The following PCDHGA1 variants were observed in gnomAD, a reference collection of about 807,000 sequenced individuals.
PCDHGA1 encodes protocadherin gamma subfamily A, 1, also known as protocadherin gamma-A1.
PCDHGA1 carries 32 observed loss-of-function variants against 58.0 expected under a neutral mutation model. The ratio of observed to expected loss-of-function variants is 0.55; its 90% CI spans 0.42 to 0.74. PCDHGA1 has a LOEUF of 0.74. Among genes scored for constraint, PCDHGA1 ranks in the 30% least tolerant of loss-of-function variants. The pLI is 0.00. For missense variants in PCDHGA1, 1,205 were observed against 1,182.3 expected, an observed-to-expected ratio of 1.02 and a Z score of -0.28; for synonymous variants, 498 against 501.1, an observed-to-expected ratio of 0.99 and a Z score of 0.08.
At chr5:141,347,353 CTA>C (rs1243645400) in intron 1 of PCDHGA1, among the ~76,000 whole-genome samples, 3 of 152,030 alleles carry the variant, frequency 2.0e-5, no homozygotes, top group South Asian at 4.2e-4. Flanking sequence ...GGGGCAATTG[CTA>C]TGTTTCCCAG....
intron 1 of PCDHGA1, among the ~76,000 whole-genome samples, chr5:141,457,387 T>A (rs530736201): frequency 2.0e-5 from 3 of 152,340 alleles, no homozygotes; most frequent in Non-Finnish European, 2.9e-5. Context: ...AGAACTAGCA[T>A]ATTGATTCAC....
chr5:141,354,912 G>A lies in PCDHGA1; in HGVS notation c.2421+21807G>A, dbSNP rs3806836. On this transcript the variant is annotated intron_variant, in intron 1 of 3. Coordinates refer to ENST00000517417, the MANE Select transcript of PCDHGA1 (RefSeq NM_018912.3). ...TTGGGAGAAATAGGAATAGAAAAGT[G>A]TATAAAAAATAAACTTTTTTTAACC... 0.019 allele frequency: 7,625 copies of A among 408,662 alleles called. 710 individuals are homozygous for A. In the East Asian group the frequency reaches 0.22, roughly 12 times the overall value. The allele number at this position is 408,662 out of a possible 1,614,324, so 25.3% of individuals were successfully genotyped here. A position where few individuals can be genotyped will look rare whatever the true frequency, so the allele number is the denominator to read the frequency against.
intron 1 of PCDHGA1, chr5:141,361,795 G>C (rs750920407): frequency 1.9e-6 from 3 of 1,613,220 alleles, no homozygotes; most frequent in Non-Finnish European, 2.5e-6. Flanking sequence ...GTTAGTGGGC[G>C]ACCTCAATGA....
At chr5:141,374,562 C>T in intron 1 of PCDHGA1, 2 of 1,613,702 alleles carry the variant, frequency 1.2e-6, no homozygotes, top group Non-Finnish European at 1.7e-6. Flanking sequence ...GTCTATGACC[C>T]TGATGTGGGA....
At chr5:141,395,196 G>T (rs1431851304) in intron 1 of PCDHGA1, 1 of 1,613,948 alleles carries the variant, frequency 6.2e-7, no homozygotes, top group Non-Finnish European at 8.5e-7. Context: ...GTTAACATCC[G>T]TAGATTTTCA....
chr5:141,444,551 G>A (rs758187608), intron 1 of PCDHGA1, among the ~76,000 whole-genome samples: 1 of 152,022 alleles, frequency 6.6e-6, no homozygotes, highest in Non-Finnish European at 1.5e-5. Context: ...TGAGCAAAAG[G>A]CACTTATTTG....
intron 1 of PCDHGA1, chr5:141,360,493 G>C: frequency 6.2e-7 from 1 of 1,613,892 alleles, no homozygotes; most frequent in Non-Finnish European, 8.5e-7. Flanking sequence ...TTTCTACATA[G>C]CAGTAATTGT....
At position 141,399,778 on chromosome 5, in the gene PCDHGA1, C is replaced by T. The variant is rs187080333; in HGVS notation, c.2421+66673C>T. 2.5e-6 allele frequency: 4 copies of T among 1,613,250 alleles called. No individual in the cohort carries two copies. The South Asian group carries it at 3.3e-5, about 13-fold the overall frequency. On this transcript the variant is annotated intron_variant, in intron 1 of 3. Transcript: ENST00000517417. ...GAGCCTGCGCGTGTTGGTGGGCGAC[C>T]GAAACGACAACGCACCGCGGGTGCT...
intron 1 of PCDHGA1, among the ~76,000 whole-genome samples, chr5:141,443,829 A>G (rs1387307023): frequency 6.6e-6 from 1 of 152,228 alleles, no homozygotes; most frequent in Non-Finnish European, 1.5e-5. Flanking sequence ...ATAATTAGGT[A>G]AAATGGGTAA....
intron 1 of PCDHGA1, chr5:141,417,735 C>T (rs1408012587): frequency 1.4e-6 from 2 of 1,398,382 alleles, no homozygotes; most frequent in African/African-American, 2.9e-5. Flanking sequence ...CCTTGCCCAG[C>T]ACACCAGATT....
intron 1 of PCDHGA1, chr5:141,408,089 G>C: frequency 7.0e-7 from 1 of 1,424,386 alleles, no homozygotes; most frequent in Non-Finnish European, 9.2e-7. Flanking sequence ...ACAGCGGATT[G>C]CCAGCTCCGA....
At chr5:141,497,203 G>A (rs750138875) in intron 2 of PCDHGA1, among the ~76,000 whole-genome samples, 25 of 91,718 alleles carry the variant, frequency 2.7e-4, no homozygotes, top group Non-Finnish European at 4.9e-4. Flanking sequence ...AACAATGTGA[G>A]TGTAATGGGG....
intron 1 of PCDHGA1, chr5:141,341,101 G>A (rs767039997): frequency 1.2e-6 from 2 of 1,614,116 alleles, no homozygotes; most frequent in African/African-American, 2.7e-5. Flanking sequence ...TCGTCATCGT[G>A]TTGCTGGCGC....
At chr5:141,349,450 G>T (rs967201965) in intron 1 of PCDHGA1, among the ~76,000 whole-genome samples, 8 of 152,084 alleles carry the variant, frequency 5.3e-5, no homozygotes, top group African/African-American at 1.7e-4. Flanking sequence ...CTTCATAAAA[G>T]CATGTATGTG....
At chr5:141,359,694 G>C (rs4912605) in intron 1 of PCDHGA1, among the ~76,000 whole-genome samples, 1 of 151,894 alleles carries the variant, frequency 6.6e-6, no homozygotes, top group Non-Finnish European at 1.5e-5. Flanking sequence ...ACATATCTCC[G>C]GAAGGATACC....
Position 141,344,238 on chromosome 5 carries a change from A to G in PCDHGA1, c.2421+11133A>G, listed in dbSNP as rs1046741074. On this transcript the variant is annotated intron_variant, in intron 1 of 3. Transcript: ENST00000517417. ...GGAGCGCGGAGTCCGCATCGTCTCC[A>G]GAGGTAGGACGCAGCTTTTCTCTCT... 10 of 1,613,926 alleles carry G rather than the reference A, an allele frequency of 6.2e-6. No individual in the cohort carries two copies. In the African/African-American group the frequency reaches 1.3e-4, roughly 22 times the overall value.
chr5:141,392,081 T>A lies in PCDHGA1; in HGVS notation c.2421+58976T>A, dbSNP rs376097159. 3.3e-5 allele frequency: 5 copies of A among 152,350 alleles called. No individual in the cohort carries two copies. In the East Asian group the frequency reaches 7.7e-4, roughly 23 times the overall value. The allele number at this position is 152,350 out of a possible 1,614,324, so 9.4% of individuals were successfully genotyped here. A position where few individuals can be genotyped will look rare whatever the true frequency, so the allele number is the denominator to read the frequency against. On this transcript the variant is annotated intron_variant, in intron 1 of 3. Coordinates refer to ENST00000517417, the MANE Select transcript of PCDHGA1 (RefSeq NM_018912.3). ...TATCGACATGTAATTCAAGTGGCAT[T>A]TAGAAGAATAATTTAAAAGCAACAA...
intron 1 of PCDHGA1, chr5:141,344,222 AGTCCGCATCGTCTCCAGAGGTAGGAC>A (rs772951832): frequency 1.2e-6 from 2 of 1,614,076 alleles, no homozygotes; most frequent in South Asian, 2.2e-5. Context: ...CGGAGCGCGG[AGTCCGCATCGTCTCCAGAGGTAGGAC>A]GCAGCTTTTC....
Position 141,332,587 on chromosome 5 carries a change from A to G in PCDHGA1, c.1903A>G (p.Arg635Gly). ...GCGCACGGCGCGAGCCCTGCTGGAC[A>G]GAGACGCGCTCAAGCAGAGTCTCGT... ...EVRTARALLDRDALKQSLVVA... is the reference protein window; with the variant it reads ...EVRTARALLDGDALKQSLVVA... Residue 635 changes from arginine to glycine, a missense_variant, in exon 1 of 4, where the codon AGA (arginine) becomes GGA (glycine). By Grantham distance (125) the Arg-to-Gly change is moderately radical. Transcript: ENST00000517417. The surrounding 1 kb of genome is among the most constrained non-coding windows in gnomAD (Gnocchi z 4.6). 1 of 1,612,768 alleles carries G rather than the reference A, an allele frequency of 6.2e-7. No homozygotes were observed. Among genetic ancestry groups the G allele is most frequent in the Admixed American group, 1.7e-5 (1 of 59,994 alleles).
Sources: gnomAD v4.1 joint callset for allele counts (sites outside exome capture counted in the v4.1 genomes callset) on GRCh38, gnomAD v4.1.1 for gene constraint, Gnocchi (gnomAD v3.1) non-coding constraint, MANE v1.5 for transcripts, NCBI Gene and HGNC (gene_info 2026-07-23, HGNC 2026-07-21) for gene names.